The following FBXO28 variants were observed in gnomAD, a reference collection of about 807,000 sequenced individuals.
FBXO28 encodes the protein F-box only protein 28.
A neutral mutation model predicts 38.1 loss-of-function variants in FBXO28; 8 were observed. That is an observed-to-expected ratio of 0.21 (90% CI 0.12 to 0.38). The LOEUF is 0.38. Ranked by LOEUF, FBXO28 falls within the 10% of genes least tolerant of loss-of-function variation. The probability of loss-of-function intolerance (pLI) is 1.00; values close to 1 mark genes in which losing one functional copy is unlikely to be tolerated. For synonymous variants in FBXO28, 168 were observed against 173.8 expected (o/e 0.97, Z 0.26); for missense variants, 345 against 460.6 (o/e 0.75, Z 2.30).
chr1:224,145,571 T>C (rs1470469585), intron 3 of FBXO28, among the ~76,000 whole-genome samples: 2 of 152,184 alleles, frequency 1.3e-5, no homozygotes, highest in Admixed American at 1.3e-4. Flanking sequence ...ATATGGTTTG[T>C]CATTGACCAT....
In FBXO28 at chr1:224,160,028, A is replaced by T. The variant is rs1020621955; in HGVS notation, c.*2282A>T. 4 of 152,220 alleles carry T rather than the reference A, an allele frequency of 2.6e-5. No individual in the cohort carries two copies. The highest frequency in any genetic ancestry group is 5.9e-5 in the Non-Finnish European group (4 of 68,040). The allele number at this position is 152,220 out of a possible 1,614,324, so 9.4% of individuals were successfully genotyped here. The stretch of plus-strand genomic sequence containing the variant: ...AATTCATTGTACTTGTTAATGCATG[A>T]ATGTTCCATGCAGTAGGAGAATAAA... On this transcript the variant is annotated 3_prime_UTR_variant, in exon 5 of 5. Transcript: ENST00000366862.
At chr1:224,151,861 G>A (rs1344386529) in intron 3 of FBXO28, among the ~76,000 whole-genome samples, 14 of 151,952 alleles carry the variant, frequency 9.2e-5, no homozygotes, top group Non-Finnish European at 1.5e-4. Flanking sequence ...TGGCCAACAC[G>A]GTGAAACCCT....
At chr1:224,128,353 TAG>T (rs1656954508) in intron 1 of FBXO28, among the ~76,000 whole-genome samples, 1 of 151,958 alleles carries the variant, frequency 6.6e-6, no homozygotes, top group African/African-American at 2.4e-5. Context: ...GCAGAATTCT[TAG>T]AGATCAAATC....
chr1:224,151,384 G>GA (rs2102633654), intron 3 of FBXO28, among the ~76,000 whole-genome samples: 1 of 152,320 alleles, frequency 6.6e-6, no homozygotes, highest in African/African-American at 2.4e-5. Context: ...TCAGGCTTAT[G>GA]ATAAGGATAC....
In FBXO28 at chr1:224,159,526, A is replaced by C. The variant is rs1246237492; in HGVS notation, c.*1780A>C. The C allele has an allele frequency of 6.5e-6, 1 of 152,674 alleles. No homozygotes were observed. The highest frequency in any genetic ancestry group is 1.5e-5 in the Non-Finnish European group (1 of 68,046). The allele number at this position is 152,674 out of a possible 1,614,324, so 9.5% of individuals were successfully genotyped here. Reference sequence around the variant, plus strand: ...TTTGTTGGGAAGGTAATTTTAAAATAAAACAATTTCCAAAAAACATTTGTC... The same window carrying C: ...TTTGTTGGGAAGGTAATTTTAAAATCAAACAATTTCCAAAAAACATTTGTC... On this transcript the variant is annotated 3_prime_UTR_variant, in exon 5 of 5. Transcript: ENST00000366862.
chr1:224,153,389 G>A (rs372229116), intron 4 of FBXO28, 52 bp downstream of exon 4: 12 of 1,396,654 alleles, frequency 8.6e-6, no homozygotes, highest in East Asian at 7.4e-5. Context: ...CTTGCTTCCG[G>A]TTTTTTTCCA....
At chr1:224,154,235 A>G (rs1367520529) in intron 4 of FBXO28, among the ~76,000 whole-genome samples, 2 of 152,246 alleles carry the variant, frequency 1.3e-5, no homozygotes, top group Non-Finnish European at 2.9e-5. Context: ...AGCAAAGCCT[A>G]TTTTATAATA....
Position 224,118,328 on chromosome 1 carries a change from C to T in FBXO28, c.267+3932C>T, listed in dbSNP as rs754208106. On this transcript the variant is annotated intron_variant, in intron 1 of 4. Coordinates refer to ENST00000366862, the MANE Select transcript of FBXO28 (RefSeq NM_015176.4). ...AAAAAAAATTATCCTGTTTCAAACA[C>T]TGCATTATATAATTTTACCTGCCCT... is the stretch of plus-strand genomic sequence containing the variant. Among the ~76,000 whole-genome samples, 6 of 152,108 alleles carry T rather than the reference C, an allele frequency of 3.9e-5. No individual in the cohort carries two copies. In the South Asian group the frequency reaches 1.2e-3, roughly 32 times the overall value.
At position 224,145,273 on chromosome 1, in the gene FBXO28, AACAGAGCAAGACT is replaced by A. The variant is rs1252044640; in HGVS notation, c.517-7865_517-7853del. Among the ~76,000 whole-genome samples the A allele has an allele frequency of 3.0e-5, 4 of 131,386 alleles. No individual in the cohort carries two copies. The Admixed American group carries it at 3.4e-4, about 11-fold the overall frequency. The allele number at this position is 131,386 out of a possible 152,430, so 86.2% of individuals were successfully genotyped here. On this transcript the variant is annotated intron_variant, in intron 3 of 4. Transcript: ENST00000366862. ...CGCGCCACTGCACTCCAGCCTGGGC[AACAGAGCAAGACT>A]ACATCTCAAAAAAAAAAAAAAAAAA...
intron 3 of FBXO28, among the ~76,000 whole-genome samples, chr1:224,136,399 G>A (rs1657188052): frequency 6.6e-6 from 1 of 151,836 alleles, no homozygotes; most frequent in South Asian, 2.1e-4. Flanking sequence ...AGTTGTTCTT[G>A]TTTTCCCTGA....
chr1:224,141,470 C>CA lies in FBXO28; in HGVS notation c.516+7274dup, dbSNP rs35142896. Among the ~76,000 whole-genome samples the CA allele has an allele frequency of 1.4e-3, 176 of 126,146 alleles. 2 individuals are homozygous for CA. Among genetic ancestry groups the CA allele is most frequent in the East Asian group, 3.4e-3 (15 of 4,462 alleles). The allele number at this position is 126,146 out of a possible 152,430, so 82.8% of individuals were successfully genotyped here. A position where few individuals can be genotyped will look rare whatever the true frequency, so the allele number is the denominator to read the frequency against. On this transcript the variant is annotated intron_variant, in intron 3 of 4. Transcript: ENST00000366862. ...TGGGCGACAGAGCAAGACTGTGTCTCAAAAAAAAAAAAAAAAGATGCAATC... is the reference window on the plus strand; with the variant it reads ...TGGGCGACAGAGCAAGACTGTGTCTCAAAAAAAAAAAAAAAAAGATGCAATC...
chr1:224,132,163 G>A (rs1657063972), intron 2 of FBXO28, among the ~76,000 whole-genome samples: 1 of 152,174 alleles, frequency 6.6e-6, no homozygotes, highest in South Asian at 2.1e-4. Context: ...TTAGGCAGGA[G>A]AATAACTTGA....
At chr1:224,128,794 T>A (rs775277396) in intron 1 of FBXO28, among the ~76,000 whole-genome samples, 12 of 151,984 alleles carry the variant, frequency 7.9e-5, no homozygotes, top group Non-Finnish European at 1.8e-4. Flanking sequence ...AAGACCAGCC[T>A]GGGCAACATA....
At chr1:224,134,394 A>T in intron 3 of FBXO28, 182 bp downstream of exon 3, 1 of 504,992 alleles carries the variant, frequency 2.0e-6, no homozygotes. Flanking sequence ...TTATATTTAA[A>T]ATTCTAATTA....
At chr1:224,138,917 G>A (rs966791517) in intron 3 of FBXO28, among the ~76,000 whole-genome samples, 1 of 151,586 alleles carries the variant, frequency 6.6e-6, no homozygotes, top group Non-Finnish European at 1.5e-5. Flanking sequence ...GAGTAGCTGG[G>A]ACTACAGGCA....
At chr1:224,138,928 C>T (rs1657264959) in intron 3 of FBXO28, among the ~76,000 whole-genome samples, 1 of 151,584 alleles carries the variant, frequency 6.6e-6, no homozygotes, top group Admixed American at 6.6e-5. Context: ...ACTACAGGCA[C>T]ATGCCACCAT....
chr1:224,158,409 G>C lies in FBXO28; in HGVS notation c.*663G>C. 5.7e-6 allele frequency: 1 copy of C among 175,226 alleles called. No individual in the cohort carries two copies. Among genetic ancestry groups the C allele is most frequent in the Non-Finnish European group, 1.1e-5 (1 of 88,718 alleles). The allele number at this position is 175,226 out of a possible 1,614,324, so 10.9% of individuals were successfully genotyped here. On this transcript the variant is annotated 3_prime_UTR_variant, in exon 5 of 5. Coordinates refer to ENST00000366862, the MANE Select transcript of FBXO28 (RefSeq NM_015176.4). ...GGGGGCCATGTCCTACATTTGCATG[G>C]ATGGATGCATGCATTGCCTAGTCAA... is the stretch of plus-strand genomic sequence containing the variant.
At chr1:224,116,476 A>G (rs1382301085) in intron 1 of FBXO28, among the ~76,000 whole-genome samples, 1 of 152,154 alleles carries the variant, frequency 6.6e-6, no homozygotes, top group Non-Finnish European at 1.5e-5. Context: ...TCTGACATAT[A>G]AGTTACGTAG....
At chr1:224,145,065 T>C (rs1423398629) in intron 3 of FBXO28, among the ~76,000 whole-genome samples, 1 of 151,716 alleles carries the variant, frequency 6.6e-6, no homozygotes, top group Non-Finnish European at 1.5e-5. Context: ...GTGGATCGCT[T>C]GAGGTCAGGC....
Sources: allele counts gnomAD v4.1 joint callset (sites outside exome capture counted in the v4.1 genomes callset), GRCh38; gene constraint gnomAD v4.1.1; transcripts MANE v1.5; gene names NCBI Gene and HGNC (gene_info 2026-07-23, HGNC 2026-07-21).